RGMA: variants seen among roughly 807,000 people sequenced by gnomAD.
RGMA encodes repulsive guidance molecule BMP co-receptor a.
RGMA carries 10 observed loss-of-function variants against 23.2 expected under a neutral mutation model. That is an observed-to-expected ratio of 0.43 (90% confidence interval 0.27 to 0.73). The LOEUF (loss-of-function observed/expected upper bound fraction) is 0.73, where lower values mean the gene tolerates loss of function less well. Ranked by LOEUF, RGMA falls within the 30% of genes least tolerant of loss-of-function variation. The pLI, the probability that RGMA is intolerant of heterozygous loss-of-function variation, is 0.20. For missense variants in RGMA, 547 were observed against 630.5 expected, an observed-to-expected ratio of 0.87 and a Z score of 1.42; for synonymous variants, 308 against 279.3, an observed-to-expected ratio of 1.10 and a Z score of -1.03.
chr15:93,046,137 G>A (rs1567178529), intron 3 of RGMA, among the ~76,000 whole-genome samples: 1 of 152,198 alleles, frequency 6.6e-6, no homozygotes, highest in Non-Finnish European at 1.5e-5. Context: ...CTGCAGATAT[G>A]ATTAGGTTAA....
chr15:93,052,183 T>G lies in RGMA; in HGVS notation c.455A>C (p.His152Pro). 1 of 1,612,392 alleles carries G rather than the reference T, an allele frequency of 6.2e-7. No individual in the cohort carries two copies. Among genetic ancestry groups the G allele is most frequent in the South Asian group, 1.1e-5 (1 of 91,084 alleles). ...GTAGTTGGGGGTGGCCGAGTGCTTG[T>G]GAAAGCTCTTCTCGTAATGGCAGAT... ...PEICHYEKSF[H>P]KHSATPNYTH... The change falls in exon 3 of 4, where the codon CAC (histidine) becomes CCC (proline). Residue 152 changes from histidine to proline, a missense_variant. His to Pro is a moderately conservative substitution (Grantham distance 77). Coordinates refer to ENST00000329082, the MANE Select transcript of RGMA (RefSeq NM_020211.3).
At position 93,066,538 on chromosome 15, in the gene RGMA, C is replaced by T. The variant is rs149365613; in HGVS notation, c.130+6378G>A. The T allele has an allele frequency of 8.9e-3, 4,343 of 489,754 alleles. 149 individuals carry two copies. Among genetic ancestry groups the T allele is most frequent in the African/African-American group, 0.076 (3,876 of 51,254 alleles). The allele number at this position is 489,754 out of a possible 1,614,324, so 30.3% of individuals were successfully genotyped here. Reference sequence around the variant, plus strand: ...ACTCCGCCCCTGCCACCGCCCTCCCCGCCACCTGCTTTCTGGGGCTTCCCT... The same window carrying T: ...ACTCCGCCCCTGCCACCGCCCTCCCTGCCACCTGCTTTCTGGGGCTTCCCT... On this transcript the variant is annotated intron_variant, in intron 2 of 3. Transcript: ENST00000329082.
chr15:93,088,691 G>A (rs1895683766), intron 1 of RGMA: 2 of 787,632 alleles, frequency 2.5e-6, no homozygotes, highest in Non-Finnish European at 3.7e-6. Context: ...GCGGCTGCCC[G>A]GGGGAGAGTA....
chr15:93,076,307 G>T (rs1895472250), intron 1 of RGMA, among the ~76,000 whole-genome samples: 1 of 142,758 alleles, frequency 7.0e-6, no homozygotes, highest in Non-Finnish European at 1.5e-5. Flanking sequence ...TGGGGGGAAA[G>T]GGGTCAAGGG....
chr15:93,064,167 G>T (rs904102922), intron 2 of RGMA, among the ~76,000 whole-genome samples: 3 of 133,868 alleles, frequency 2.2e-5, no homozygotes, highest in Admixed American at 1.5e-4. Context: ...AGCAGCTTCA[G>T]TGGGGGGGCT....
At position 93,052,255 on chromosome 15, in the gene RGMA, G is replaced by T. The variant is rs762713342; in HGVS notation, c.383C>A (p.Thr128Lys). ...DGPTSQPRLR[T>K]LPPAGDSQER... ...CTGGCTGTCTCCGGCCGGTGGGAGC[G>T]TGCGCAGGCGTGGCTGCGAGGTGGG... The change falls in exon 3 of 4, where the codon ACG (threonine) becomes AAG (lysine). Residue 128 changes from threonine to lysine, a missense_variant. Around this residue, in one of 3 missense-constraint regions of RGMA, gnomAD observed 214 missense variants for 234.7 expected, o/e 0.91. Coordinates refer to ENST00000329082, the MANE Select transcript of RGMA (RefSeq NM_020211.3). The T allele has an allele frequency of 1.2e-6, 2 of 1,604,664 alleles. No homozygotes were observed. Among genetic ancestry groups the T allele is most frequent in the African/African-American group, 2.7e-5 (2 of 74,772 alleles).
At chr15:93,046,607 G>A (rs1881841) in intron 3 of RGMA, among the ~76,000 whole-genome samples, 116,318 of 151,896 alleles carry the variant, frequency 0.77, 45,419 homozygotes, top group East Asian at 0.93. Flanking sequence ...ATTACAGCAG[G>A]TGGAATGGAG....
intron 3 of RGMA, among the ~76,000 whole-genome samples, chr15:93,048,041 C>T (rs140498756): frequency 0.039 from 5,929 of 152,090 alleles, 150 homozygotes; most frequent in South Asian, 0.047. Context: ...CTGTTTGGGG[C>T]GGGCTGGCCC....
chr15:93,066,027 C>T, intron 2 of RGMA: 19 of 1,486,664 alleles, frequency 1.3e-5, no homozygotes, highest in Non-Finnish European at 1.6e-5. Flanking sequence ...GTTCTGTCCC[C>T]GCTGAAGGGA....
At chr15:93,047,701 T>C (rs1032331775) in intron 3 of RGMA, among the ~76,000 whole-genome samples, 18 of 152,148 alleles carry the variant, frequency 1.2e-4, no homozygotes, top group African/African-American at 4.3e-4. Flanking sequence ...GGGGAGCTGC[T>C]GATGACATGC....
rs1269801159 is a variant in RGMA at position 93,073,196 on chromosome 15, G to A, written c.15-165C>T. 1.2e-5 allele frequency: 15 copies of A among 1,205,064 alleles called. No homozygotes were observed. In the East Asian group the frequency reaches 3.7e-4, roughly 30 times the overall value. 74.6% of individuals were successfully genotyped at this position (1,205,064 alleles called of 1,614,324 possible). On this transcript the variant is annotated intron_variant, in intron 1 of 3. Coordinates refer to ENST00000329082, the MANE Select transcript of RGMA (RefSeq NM_020211.3). ...GCCGCCCCCCGCGCGCCCCTCCCTC[G>A]CCATCCATCACTCGGTTCTCCGCCA...
chr15:93,058,879 C>G (rs1355631849), intron 2 of RGMA, among the ~76,000 whole-genome samples: 2 of 152,186 alleles, frequency 1.3e-5, no homozygotes, highest in Non-Finnish European at 2.9e-5. Flanking sequence ...GCTGTGCACC[C>G]AGGACTGCAT....
At chr15:93,086,635 CT>C (rs960630645) in intron 1 of RGMA, among the ~76,000 whole-genome samples, 3 of 152,166 alleles carry the variant, frequency 2.0e-5, no homozygotes, top group Non-Finnish European at 4.4e-5. Context: ...TGCCTGCTTC[CT>C]GGGAGCAGCA....
intron 2 of RGMA, among the ~76,000 whole-genome samples, chr15:93,061,712 G>A (rs1241287061): frequency 6.6e-6 from 1 of 152,224 alleles, no homozygotes; most frequent in East Asian, 1.9e-4. Flanking sequence ...GAGGGCGCTT[G>A]GAGCACCAGC....
chr15:93,088,865 C>G, intron 1 of RGMA, 54 bp downstream of exon 1: 1 of 1,469,014 alleles, frequency 6.8e-7, no homozygotes, highest in Non-Finnish European at 9.0e-7. Flanking sequence ...CATGTGTCGG[C>G]GGCGCCTCGG....
Position 93,040,723 on chromosome 15 carries a change from T to G in RGMA, c.*4275A>C, listed in dbSNP as rs760738545. On this transcript the variant is annotated 3_prime_UTR_variant, in exon 4 of 4. Coordinates refer to ENST00000329082, the MANE Select transcript of RGMA (RefSeq NM_020211.3). ...AAGAATGCACAGCAGTCTGTCTGGG[T>G]CATTGCGGTAGCCCCTCACACCCCC... 1.3e-5 allele frequency: 2 copies of G among 152,338 alleles called. No individual in the cohort carries two copies. Among genetic ancestry groups the G allele is most frequent in the African/African-American group, 2.4e-5 (1 of 41,444 alleles). 9.4% of individuals were successfully genotyped at this position (152,338 alleles called of 1,614,324 possible).
At chr15:93,054,229 C>CA (rs34699802) in intron 2 of RGMA, among the ~76,000 whole-genome samples, 50,468 of 110,678 alleles carry the variant, frequency 0.46, 10,872 homozygotes, top group African/African-American at 0.54. Context: ...GACTCCATCT[C>CA]AAAAAAAAAA....
intron 1 of RGMA, among the ~76,000 whole-genome samples, chr15:93,074,316 G>A (rs1895432415): frequency 6.6e-6 from 1 of 152,210 alleles, no homozygotes; most frequent in African/African-American, 2.4e-5. Context: ...GCTTGTGCAA[G>A]GCTGCAGGGC....
chr15:93,078,526 C>A (rs919423161), intron 1 of RGMA, among the ~76,000 whole-genome samples: 9 of 152,216 alleles, frequency 5.9e-5, no homozygotes, highest in Admixed American at 6.5e-5. Context: ...GTCCTGGGGT[C>A]TGGTCATCTC....
Sources: gnomAD v4.1 joint callset for allele counts (sites outside exome capture counted in the v4.1 genomes callset) on GRCh38, gnomAD v4.1.1 for gene constraint, gnomAD v4.1.1 regional missense constraint, MANE v1.5 for transcripts, NCBI Gene and HGNC (gene_info 2026-07-23, HGNC 2026-07-21) for gene names.